GDAP1: variants seen among roughly 807,000 people sequenced by gnomAD.
The protein encoded by GDAP1 is ganglioside induced differentiation associated protein 1.
A neutral mutation model predicts 40.1 loss-of-function variants in GDAP1; 34 were observed. The observed-to-expected ratio is 0.85, with a 90% CI of 0.64 to 1.13. The LOEUF is 1.13. Ranked by LOEUF, GDAP1 falls within the 50% of genes most tolerant of loss-of-function variation. The pLI, the probability that GDAP1 is intolerant of heterozygous loss-of-function variation, is 0.00. For missense variants in GDAP1, 374 were observed against 433.7 expected, an observed-to-expected ratio of 0.86 and a Z score of 1.22; for synonymous variants, 170 against 157.4, an observed-to-expected ratio of 1.08 and a Z score of -0.60.
In GDAP1 at chr8:74,488,703, A is replaced by G. The variant is rs188255301; in HGVS notation, c.191A>G (p.Glu64Gly). 5 of 152,290 alleles carry G rather than the reference A, an allele frequency of 3.3e-5. No individual in the cohort carries two copies. The East Asian group carries it at 9.6e-4, about 29-fold the overall frequency. 9.4% of individuals were successfully genotyped at this position (152,290 alleles called of 1,614,324 possible). Residue 64 changes from glutamate to glycine, a missense_variant, in exon 3 of 3, where the codon GAA becomes GGA. Transcript: ENST00000523640. ...CTTCTCATATGCAGCATACTGGTGG[A>G]AGAACAGCTCACCTGGTGCCAAAGA...
At chr8:74,388,280 A>C (rs1346816883) in intron 2 of GDAP1, among the ~76,000 whole-genome samples, 3 of 151,714 alleles carry the variant, frequency 2.0e-5, no homozygotes, top group Non-Finnish European at 4.4e-5. Context: ...TAGGATGTTG[A>C]TTTTAGATCT....
intron 2 of GDAP1, among the ~76,000 whole-genome samples, chr8:74,375,227 T>A (rs1809831795): frequency 6.6e-6 from 1 of 151,976 alleles, no homozygotes; most frequent in Non-Finnish European, 1.5e-5. Flanking sequence ...CTTGGGAAAC[T>A]GAGGCAAGAG....
At chr8:74,353,175 A>G (rs146256695) in intron 2 of GDAP1, among the ~76,000 whole-genome samples, 5 of 152,354 alleles carry the variant, frequency 3.3e-5, no homozygotes, top group African/African-American at 1.2e-4. Context: ...AAACAAAGGA[A>G]ATGCTAAGTT....
rs143755627 is a variant in GDAP1 at position 74,390,354 on chromosome 8, G to A, written c.165+39033G>A. On this transcript the variant is annotated intron_variant, in intron 2 of 2. Transcript: ENST00000523640. ...TTGGTCTTTGATGCTGGTGGCCTTC[G>A]TATGGGGTTTTTGTGTGGATGTCCT... Among the ~76,000 whole-genome samples the A allele has an allele frequency of 5.6e-3, 849 of 152,194 alleles. 9 individuals carry two copies. Among genetic ancestry groups the A allele is most frequent in the African/African-American group, 0.019 (788 of 41,526 alleles).
chr8:74,407,599 G>A (rs953880943), intron 2 of GDAP1, among the ~76,000 whole-genome samples: 4 of 149,714 alleles, frequency 2.7e-5, no homozygotes, highest in Non-Finnish European at 4.4e-5. Flanking sequence ...ACAGCCTATC[G>A]TGAGACTTCA....
intron 2 of GDAP1, among the ~76,000 whole-genome samples, chr8:74,428,523 G>A (rs1805982522): frequency 6.7e-6 from 1 of 149,946 alleles, no homozygotes; most frequent in East Asian, 2.0e-4. Flanking sequence ...AGGCAGAGCA[G>A]TGTCATGATC....
chr8:74,369,695 T>G (rs1443514057), downstream of GDAP1, among the ~76,000 whole-genome samples: 9 of 152,072 alleles, frequency 5.9e-5, no homozygotes, highest in African/African-American at 1.9e-4. Flanking sequence ...AAAAAACATT[T>G]ACTTACTCGT....
At chr8:74,486,538 G>A (rs1806778235) in intron 2 of GDAP1, among the ~76,000 whole-genome samples, 1 of 152,154 alleles carries the variant, frequency 6.6e-6, no homozygotes, top group African/African-American at 2.4e-5. Context: ...TGATGATTTT[G>A]TTTTCACACA....
downstream of GDAP1, among the ~76,000 whole-genome samples, chr8:74,370,870 A>G (rs1461070953): frequency 6.6e-6 from 1 of 152,266 alleles, no homozygotes; most frequent in African/African-American, 2.4e-5. Flanking sequence ...ACAGAGTTTT[A>G]CAAGAGACAA....
At chr8:74,473,403 G>A (rs903633632) in intron 2 of GDAP1, among the ~76,000 whole-genome samples, 2 of 152,124 alleles carry the variant, frequency 1.3e-5, no homozygotes, top group African/African-American at 4.8e-5. Context: ...TGCCTAGGTT[G>A]TCTTCCAGGA....
Position 74,409,753 on chromosome 8 carries a change from C to T in GDAP1, c.165+58432C>T, listed in dbSNP as rs1201448211. 2.0e-5 allele frequency among the ~76,000 whole-genome samples: 3 copies of T among 150,042 alleles called. 1 individual carries two copies. The highest frequency in any genetic ancestry group is 7.6e-5 in the African/African-American group (3 of 39,388). On this transcript the variant is annotated intron_variant, in intron 2 of 2. Coordinates refer to the GDAP1 transcript ENST00000523640. ...GCATCTGGACAATGAGATGCCAGAT[C>T]CCCACCTATCATGATTGCCTAAGCA...
chr8:74,402,494 C>T (rs1284574593), intron 2 of GDAP1, among the ~76,000 whole-genome samples: 3 of 150,428 alleles, frequency 2.0e-5, no homozygotes, highest in Non-Finnish European at 4.4e-5. Flanking sequence ...ACTCCCTGAC[C>T]CCTTGCGCTT....
chr8:74,403,868 G>T (rs1460041059), intron 2 of GDAP1, among the ~76,000 whole-genome samples: 1 of 150,182 alleles, frequency 6.7e-6, no homozygotes, highest in African/African-American at 2.5e-5. Context: ...TTGGTGTTAT[G>T]TATAAAGCTT....
intron 2 of GDAP1, among the ~76,000 whole-genome samples, chr8:74,374,327 G>T (rs1325353076): frequency 2.6e-5 from 4 of 152,158 alleles, no homozygotes; most frequent in African/African-American, 4.8e-5. Flanking sequence ...GTTTCAGAAG[G>T]AATGGTACCA....
chr8:74,371,972 A>C (rs553054616), intron 2 of GDAP1, among the ~76,000 whole-genome samples: 41 of 137,894 alleles, frequency 3.0e-4, no homozygotes, highest in African/African-American at 1.1e-3. Context: ...CCTGTGTCCA[A>C]GTGTTCTTAT....
At chr8:74,358,098 T>A (rs528278231) in intron 2 of GDAP1, among the ~76,000 whole-genome samples, 2 of 152,322 alleles carry the variant, frequency 1.3e-5, no homozygotes, top group South Asian at 4.1e-4. Flanking sequence ...GGGTATCTCA[T>A]GCTCTGACAG....
At chr8:74,481,943 A>G (rs146090618) in intron 2 of GDAP1, among the ~76,000 whole-genome samples, 121 of 152,172 alleles carry the variant, frequency 8.0e-4, no homozygotes, top group African/African-American at 2.6e-3. Context: ...GGATATAGAC[A>G]TGGGAGTTGG....
chr8:74,448,282 G>A (rs545765065), intron 2 of GDAP1, among the ~76,000 whole-genome samples: 3 of 152,076 alleles, frequency 2.0e-5, no homozygotes, highest in East Asian at 1.9e-4. Context: ...TTTGCTCCAC[G>A]TAATATTTTT....
chr8:74,413,418 G>A (rs1805739778), intron 2 of GDAP1, among the ~76,000 whole-genome samples: 1 of 149,914 alleles, frequency 6.7e-6, no homozygotes, highest in East Asian at 1.9e-4. Flanking sequence ...GGATATCAGT[G>A]GGGATGTGGG....
Sources: gnomAD v4.1 joint callset for allele counts (sites outside exome capture counted in the v4.1 genomes callset) on GRCh38, gnomAD v4.1.1 for gene constraint, MANE v1.5 for transcripts, NCBI Gene and HGNC (gene_info 2026-07-23, HGNC 2026-07-21) for gene names.